LYPD6B: variants seen among roughly 807,000 people sequenced by gnomAD.
LYPD6B encodes ly6/PLAUR domain-containing protein 6B.
Under a neutral mutation model 22.8 loss-of-function variants are expected in LYPD6B, and 17 were observed. That is an observed-to-expected ratio of 0.75 (90% CI 0.51 to 1.12). LYPD6B has a LOEUF of 1.12. Among genes scored for constraint, LYPD6B ranks in the 50% most tolerant of loss-of-function variants. LYPD6B has a pLI of 0.00. For synonymous variants in LYPD6B, 106 were observed against 91.6 expected, an observed-to-expected ratio of 1.16 and a Z score of -0.90; for missense variants, 221 against 258.3, an observed-to-expected ratio of 0.86 and a Z score of 0.99.
At chr2:149,103,255 T>G (rs1343765199) in intron 1 of LYPD6B, among the ~76,000 whole-genome samples, 4 of 152,182 alleles carry the variant, frequency 2.6e-5, no homozygotes, top group Non-Finnish European at 4.4e-5. Flanking sequence ...CAACGTTAAC[T>G]TATGTTTACA....
rs765421416 is a variant in LYPD6B, at chr2:149,214,657, C to T, written c.571C>T (p.Pro191Ser). 3 of 1,613,930 alleles carry T rather than the reference C, an allele frequency of 1.9e-6. No individual in the cohort carries two copies. The highest frequency in any genetic ancestry group is 2.2e-5 in the South Asian group (2 of 91,078). The change falls in exon 7 of 7, where the codon CCC becomes TCC. Residue 191 changes from proline (P) to serine (S), a missense_variant. Physicochemically the swap from Pro to Ser is moderately conservative, Grantham distance 74. Transcript: ENST00000409642. ...TCAGAGAACATCTGGCAGCAGTGCC[C>T]CCACACTCTACCTACCAGTGCTTGC... The part of the protein sequence containing the change: ...HAQRTSGSSA[P>S]TLYLPVLAWV...
At chr2:149,139,197 G>A (rs1259953950) in intron 2 of LYPD6B, among the ~76,000 whole-genome samples, 3 of 152,188 alleles carry the variant, frequency 2.0e-5, no homozygotes, top group African/African-American at 7.2e-5. Context: ...GAGCCCCTAT[G>A]CTTTGGATGC....
At chr2:149,202,429 C>G (rs1012427364) in intron 3 of LYPD6B, among the ~76,000 whole-genome samples, 1 of 152,106 alleles carries the variant, frequency 6.6e-6, no homozygotes, top group African/African-American at 2.4e-5. Flanking sequence ...TTACTTTTCC[C>G]TTGATTCTTT....
chr2:149,167,896 T>TTTTTTG (rs1339170660), intron 3 of LYPD6B, among the ~76,000 whole-genome samples: 2 of 152,096 alleles, frequency 1.3e-5, no homozygotes, highest in South Asian at 2.1e-4. Flanking sequence ...TTTTTTTATG[T>TTTTTTG]TTTTTGTTTT....
intron 3 of LYPD6B, among the ~76,000 whole-genome samples, chr2:149,170,518 T>C (rs1210241263): frequency 6.6e-6 from 1 of 152,198 alleles, no homozygotes; most frequent in East Asian, 1.9e-4. Flanking sequence ...TTTGGATGTA[T>C]GGGTAGTTAT....
rs538018027 is a variant in LYPD6B, at chr2:149,159,633, G to C, written c.6-1131G>C. Among the ~76,000 whole-genome samples, 7 of 151,222 alleles carry C rather than the reference G, an allele frequency of 4.6e-5. 1 individual carries two copies. In the South Asian group the frequency reaches 1.5e-3, roughly 32 times the overall value. ...GTGTGTGTGTGTGTGTGTATAGAAA[G>C]AGAGAGAGAGTAGGGGCAAGGGGAT... On this transcript the variant is annotated intron_variant, in intron 2 of 6. Coordinates refer to ENST00000409642, the MANE Select transcript of LYPD6B (RefSeq NM_177964.5).
At chr2:149,110,819 A>G (rs1272741789) in intron 1 of LYPD6B, among the ~76,000 whole-genome samples, 1 of 152,222 alleles carries the variant, frequency 6.6e-6, no homozygotes, top group Non-Finnish European at 1.5e-5. Flanking sequence ...GACAGACAAT[A>G]GTTCTGTATC....
intron 1 of LYPD6B, among the ~76,000 whole-genome samples, chr2:149,110,721 G>C (rs562284369): frequency 6.6e-5 from 10 of 152,156 alleles, no homozygotes; most frequent in African/African-American, 1.9e-4. Flanking sequence ...ACTGTTTTTT[G>C]AATATGGACA....
intron 2 of LYPD6B, among the ~76,000 whole-genome samples, chr2:149,139,122 A>G (rs2105756512): frequency 6.6e-6 from 1 of 152,348 alleles, no homozygotes; most frequent in South Asian, 2.1e-4. Context: ...TCAAGGCCAC[A>G]GTGTCAGCCT....
At chr2:149,086,990 T>C (rs776376574) in intron 1 of LYPD6B, among the ~76,000 whole-genome samples, 5 of 147,478 alleles carry the variant, frequency 3.4e-5, no homozygotes, top group Non-Finnish European at 6.0e-5. Context: ...TATCTCCTCT[T>C]AATGAAGTAA....
intron 1 of LYPD6B, among the ~76,000 whole-genome samples, chr2:149,055,570 A>G (rs1374494493): frequency 6.6e-6 from 1 of 152,176 alleles, no homozygotes; most frequent in African/African-American, 2.4e-5. Flanking sequence ...ATGATGTTTT[A>G]TAATTTTCTG....
At chr2:149,191,467 T>C (rs986396106) in intron 3 of LYPD6B, among the ~76,000 whole-genome samples, 2 of 152,224 alleles carry the variant, frequency 1.3e-5, no homozygotes, top group African/African-American at 4.8e-5. Flanking sequence ...CACTAGATTA[T>C]GTTTGTGATA....
At chr2:149,209,909 T>C (rs1025547270) in intron 5 of LYPD6B, among the ~76,000 whole-genome samples, 1 of 146,366 alleles carries the variant, frequency 6.8e-6, no homozygotes, top group Non-Finnish European at 1.5e-5. Context: ...GATTTATTTC[T>C]ACATTTTCAA....
intron 3 of LYPD6B, among the ~76,000 whole-genome samples, chr2:149,186,440 A>G (rs1692108002): frequency 6.6e-6 from 1 of 152,192 alleles, no homozygotes; most frequent in African/African-American, 2.4e-5. Context: ...AAGACTTTGA[A>G]ACTAGCAGAG....
At chr2:149,076,651 A>G (rs1450935898) in intron 1 of LYPD6B, among the ~76,000 whole-genome samples, 5 of 152,174 alleles carry the variant, frequency 3.3e-5, no homozygotes, top group African/African-American at 9.6e-5. Flanking sequence ...AAATTCTGTG[A>G]AAAAAAGACA....
At chr2:149,043,038 A>G (rs1683158821) in intron 1 of LYPD6B, among the ~76,000 whole-genome samples, 1 of 152,216 alleles carries the variant, frequency 6.6e-6, no homozygotes, top group Non-Finnish European at 1.5e-5. Context: ...ACATGAGCAA[A>G]GGGAAAATAA....
Position 149,083,630 on chromosome 2 carries a change from G to A in LYPD6B, c.-67+44829G>A, listed in dbSNP as rs139879698. On this transcript the variant is annotated intron_variant, in intron 1 of 6. Coordinates refer to ENST00000409642, the MANE Select transcript of LYPD6B (RefSeq NM_177964.5). ...TATCCTTTGTATTTCCTGTAAACTGGAAGCTAGGTTTACAGGCGTGAGTAG... is the reference window on the plus strand; with the variant it reads ...TATCCTTTGTATTTCCTGTAAACTGAAAGCTAGGTTTACAGGCGTGAGTAG... 9.1e-3 allele frequency among the ~76,000 whole-genome samples: 1,392 copies of A among 152,216 alleles called. 8 individuals carry two copies. Among genetic ancestry groups the A allele is most frequent in the Non-Finnish European group, 0.013 (869 of 68,006 alleles).
chr2:149,108,692 G>A (rs1686616461), intron 1 of LYPD6B, among the ~76,000 whole-genome samples: 1 of 152,248 alleles, frequency 6.6e-6, no homozygotes, highest in Admixed American at 6.5e-5. Context: ...CATATTGAAT[G>A]TTATTTTTGA....
intron 3 of LYPD6B, among the ~76,000 whole-genome samples, chr2:149,202,095 A>T (rs1199768671): frequency 6.6e-6 from 1 of 152,208 alleles, no homozygotes; most frequent in Admixed American, 6.5e-5. Context: ...AGACCTTTGC[A>T]GTGTATCTGA....
Sources: gnomAD v4.1 joint callset for allele counts (sites outside exome capture counted in the v4.1 genomes callset) on GRCh38, gnomAD v4.1.1 for gene constraint, MANE v1.5 for transcripts, NCBI Gene and HGNC (gene_info 2026-07-23, HGNC 2026-07-21) for gene names.